The following TMEM71 variants were observed in gnomAD, a reference collection of about 807,000 sequenced individuals.
The protein encoded by TMEM71 is transmembrane protein 71.
Under a neutral mutation model 38.0 loss-of-function variants are expected in TMEM71, and 44 were observed. That is an observed-to-expected ratio of 1.16 (90% CI 0.91 to 1.49). TMEM71 has a LOEUF of 1.49. Among genes scored for constraint, TMEM71 ranks in the 40% most tolerant of loss-of-function variants. The pLI, the probability that TMEM71 is intolerant of heterozygous loss-of-function variation, is 0.00. For missense variants in TMEM71, 367 were observed against 348.6 expected (o/e 1.05, Z -0.42); for synonymous variants, 133 against 122.5 (o/e 1.09, Z -0.56).
chr8:132,713,440 C>T (rs1826341839), intron 9 of TMEM71, among the ~76,000 whole-genome samples: 2 of 152,164 alleles, frequency 1.3e-5, no homozygotes, highest in South Asian at 4.1e-4. Context: ...TTGCCTCTGG[C>T]AGCCATATTG....
chr8:132,772,024 GT>G, the TMEM71 span, among the ~76,000 whole-genome samples: 2 of 152,032 alleles, frequency 1.3e-5, no homozygotes, highest in East Asian at 3.9e-4. Context: ...AGTAGTTTAC[GT>G]TTCTGCTAAA....
At position 132,746,950 on chromosome 8, in the gene TMEM71, T is replaced by C. The variant is rs1201520778; in HGVS notation, c.479A>G (p.Asn160Ser). 1 of 1,589,582 alleles carries C rather than the reference T, an allele frequency of 6.3e-7. No individual in the cohort carries two copies. The highest frequency in any genetic ancestry group is 1.9e-5 in the Admixed American group (1 of 53,620). Residue 160 changes from asparagine (N) to serine (S), a missense_variant, in exon 5 of 10, where the codon AAT (asparagine) becomes AGT (serine). Asn to Ser is a conservative substitution (Grantham distance 46). Transcript: ENST00000677595. The stretch of plus-strand genomic sequence containing the variant: ...GGAGGACTCAAACTCACCATTTCCA[T>C]TGCAATGGTCTGTGTCCAACCTCCT... ...GTRRLDTDHCNGNADDLDCSS... is the reference protein window; with the variant it reads ...GTRRLDTDHCSGNADDLDCSS...
the TMEM71 span, among the ~76,000 whole-genome samples, chr8:132,773,800 T>C: frequency 6.6e-6 from 1 of 152,178 alleles, no homozygotes; most frequent in Non-Finnish European, 1.5e-5. Context: ...TCATCTTATT[T>C]AGTGGGAGGT....
intron 6 of TMEM71, among the ~76,000 whole-genome samples, chr8:132,726,506 T>C (rs894409499): frequency 6.6e-6 from 1 of 152,226 alleles, no homozygotes; most frequent in African/African-American, 2.4e-5. Flanking sequence ...ACATGAGTTA[T>C]TTTAGTCATG....
intron 4 of TMEM71, among the ~76,000 whole-genome samples, chr8:132,750,789 T>C (rs2131175638): frequency 6.6e-6 from 1 of 152,332 alleles, no homozygotes; most frequent in East Asian, 1.9e-4. Context: ...CCTTTCTTTC[T>C]GATCTTGGTA....
intron 6 of TMEM71, among the ~76,000 whole-genome samples, chr8:132,725,391 C>A (rs540763948): frequency 1.3e-5 from 2 of 152,114 alleles, no homozygotes; most frequent in Non-Finnish European, 2.9e-5. Flanking sequence ...TCTGGTACAA[C>A]CTTTTAAAGA....
Position 132,714,118 on chromosome 8 carries a change from G to C in TMEM71, c.814+36C>G, listed in dbSNP as rs774786408. ...GTGACCAAAATTGGAATGAAATACA[G>C]GCATCATTGCAGTAATCTGGGAAAC... On this transcript the variant is annotated intron_variant, in intron 8 of 9. Transcript: ENST00000677595. The C allele has an allele frequency of 3.1e-6, 5 of 1,607,894 alleles. No individual in the cohort carries two copies. In the African/African-American group the frequency reaches 6.7e-5, roughly 21 times the overall value.
chr8:132,735,145 A>G (rs1827677732), intron 5 of TMEM71, among the ~76,000 whole-genome samples: 1 of 152,214 alleles, frequency 6.6e-6, no homozygotes, highest in Non-Finnish European at 1.5e-5. Flanking sequence ...TATGACTCAC[A>G]GGCTCTGGGA....
chr8:132,757,820 T>G (rs1829111731), intron 2 of TMEM71, among the ~76,000 whole-genome samples: 1 of 104,080 alleles, frequency 9.6e-6, no homozygotes, highest in Non-Finnish European at 2.0e-5. Flanking sequence ...AGCAAGATTC[T>G]GTCTCAAAAA....
At chr8:132,725,836 A>G (rs1425708) in intron 6 of TMEM71, among the ~76,000 whole-genome samples, 87,798 of 152,012 alleles carry the variant, frequency 0.58, 28,201 homozygotes, top group African/African-American at 0.87. Flanking sequence ...GTAGGAGGCC[A>G]CCCAGGTATA....
Position 132,709,985 on chromosome 8 carries a change from C to A in TMEM71, c.*982G>T, listed in dbSNP as rs1200870021. On this transcript the variant is annotated 3_prime_UTR_variant, in exon 10 of 10. Coordinates refer to ENST00000677595, the MANE Select transcript of TMEM71 (RefSeq NM_001382403.1). ...ACTTATTTATTAGTTTATTTTTTAA[C>A]CAAAAATGTACTAAATGCAAATTAT... is the stretch of plus-strand genomic sequence containing the variant. The A allele has an allele frequency of 6.6e-6, 1 of 151,846 alleles. No individual in the cohort carries two copies. Among genetic ancestry groups the A allele is most frequent in the East Asian group, 1.9e-4 (1 of 5,176 alleles). 9.4% of individuals were successfully genotyped at this position (151,846 alleles called of 1,614,324 possible).
intron 5 of TMEM71, among the ~76,000 whole-genome samples, chr8:132,743,335 T>C (rs1470194083): frequency 6.6e-6 from 1 of 152,118 alleles, no homozygotes; most frequent in East Asian, 1.9e-4. Context: ...GTACTCCTGG[T>C]TCTCTTCTGC....
At chr8:132,770,030 G>T in the TMEM71 span, among the ~76,000 whole-genome samples, 4 of 152,182 alleles carry the variant, frequency 2.6e-5, no homozygotes, top group Non-Finnish European at 5.9e-5. Flanking sequence ...TTGTATAGCT[G>T]CTGTGTTCTG....
At position 132,725,751 on chromosome 8, in the gene TMEM71, G is replaced by T. The variant is rs147065247; in HGVS notation, c.676+2047C>A. Among the ~76,000 whole-genome samples the T allele has an allele frequency of 3.0e-3, 456 of 152,278 alleles. 2 individuals are homozygous for T. Among genetic ancestry groups the T allele is most frequent in the African/African-American group, 0.01 (429 of 41,540 alleles). ...CTAGGGAATCAAGGCGAAGTGAAGCGCTACCTCCACCAGCCAGAAGGGGGT... is the reference window on the plus strand; with the variant it reads ...CTAGGGAATCAAGGCGAAGTGAAGCTCTACCTCCACCAGCCAGAAGGGGGT... On this transcript the variant is annotated intron_variant, in intron 6 of 9. Transcript: ENST00000677595.
upstream of TMEM71, chr8:132,760,771 C>T (rs978133692): frequency 4.6e-5 from 7 of 152,198 alleles, no homozygotes; most frequent in African/African-American, 1.7e-4. Flanking sequence ...AATGTGCAGC[C>T]CATGTGTCAG....
intron 5 of TMEM71, among the ~76,000 whole-genome samples, chr8:132,732,731 A>AG (rs760857352): frequency 2.6e-5 from 4 of 152,124 alleles, no homozygotes; most frequent in Non-Finnish European, 5.9e-5. Context: ...AGTTCTTAAT[A>AG]GGGGGTGATT....
upstream of TMEM71, among the ~76,000 whole-genome samples, chr8:132,762,579 T>C (rs908283615): frequency 3.3e-5 from 5 of 152,166 alleles, no homozygotes; most frequent in Non-Finnish European, 7.3e-5. Flanking sequence ...CCAGGCACTG[T>C]TCTAAGGTCT....
the TMEM71 span, among the ~76,000 whole-genome samples, chr8:132,770,506 TGAGA>T: frequency 6.6e-6 from 1 of 152,192 alleles, no homozygotes; most frequent in African/African-American, 2.4e-5. Flanking sequence ...TCTCAGCCAG[TGAGA>T]GAAAGACTCC....
chr8:132,757,147 C>T lies in TMEM71; in HGVS notation c.101+87G>A, dbSNP rs557944619. ...TCCTGACCTCGTGATCCGCCTGCCT[C>T]GGCCTCCCAAAGTGCTGGGATTACA... On this transcript the variant is annotated intron_variant, in intron 3 of 9. Transcript: ENST00000677595. 7.0e-6 allele frequency: 6 copies of T among 858,120 alleles called. No individual in the cohort carries two copies. The Admixed American group carries it at 9.9e-5, about 14-fold the overall frequency. 53.2% of individuals were successfully genotyped at this position (858,120 alleles called of 1,614,324 possible).
Sources: allele counts gnomAD v4.1 joint callset (sites outside exome capture counted in the v4.1 genomes callset), GRCh38; gene constraint gnomAD v4.1.1; transcripts MANE v1.5; gene names NCBI Gene and HGNC (gene_info 2026-07-23, HGNC 2026-07-21).